Variants in IGFBP7 observed in about 807,000 individuals in gnomAD.
IGFBP7 encodes insulin-like growth factor-binding protein 7.
In IGFBP7, 31 loss-of-function variants were observed where a neutral mutation model predicts 29.4. The observed-to-expected ratio is 1.05, with a 90% confidence interval of 0.79 to 1.42. The LOEUF is 1.42. Ranked by LOEUF, IGFBP7 falls within the 40% of genes most tolerant of loss-of-function variation. The probability of loss-of-function intolerance (pLI) is 0.00; values close to 1 mark genes in which losing one functional copy is unlikely to be tolerated. For synonymous variants in IGFBP7, 172 were observed against 174.9 expected, an observed-to-expected ratio of 0.98 and a Z score of 0.13; for missense variants, 393 against 395.5, an observed-to-expected ratio of 0.99 and a Z score of 0.05.
chr4:57,059,777 CA>C (rs550861366), intron 1 of IGFBP7, among the ~76,000 whole-genome samples: 5 of 151,614 alleles, frequency 3.3e-5, no homozygotes, highest in East Asian at 3.9e-4. Context: ...ATATTTAAAA[CA>C]AAAAAAAGAA....
chr4:57,036,464 A>C (rs1257901805), intron 2 of IGFBP7, among the ~76,000 whole-genome samples: 1 of 152,148 alleles, frequency 6.6e-6, no homozygotes, highest in African/African-American at 2.4e-5. Context: ...AGAATTAAAC[A>C]GAGAGCCTCT....
At chr4:57,041,107 C>A (rs569502226) in intron 1 of IGFBP7, among the ~76,000 whole-genome samples, 174 bp from the exon 2 acceptor site, 9 of 152,168 alleles carry the variant, frequency 5.9e-5, no homozygotes, top group African/African-American at 2.2e-4. Context: ...ATTTTAAGGT[C>A]CACTTTGGGA....
intron 1 of IGFBP7, among the ~76,000 whole-genome samples, chr4:57,088,767 G>A (rs957545879): frequency 2.0e-5 from 3 of 152,000 alleles, no homozygotes; most frequent in Admixed American, 1.3e-4. Context: ...GGTGGCTCAC[G>A]TCTGTAATCC....
chr4:57,093,933 C>T (rs940866415), intron 1 of IGFBP7, among the ~76,000 whole-genome samples: 2 of 152,156 alleles, frequency 1.3e-5, no homozygotes, highest in Admixed American at 6.5e-5. Flanking sequence ...TACCTTTGTT[C>T]ATTTTTTCCC....
At chr4:57,073,038 A>G in intron 1 of IGFBP7, 1 of 1,268,698 alleles carries the variant, frequency 7.9e-7, no homozygotes, top group Non-Finnish European at 1.1e-6. Context: ...AGCTCGTTGA[A>G]CAGGCATGCT....
chr4:57,110,061 T>C lies in IGFBP7; in HGVS notation c.291A>G (p.Lys97=). The change falls in exon 1 of 5, where the codon AAA becomes AAG. Residue 97 remains lysine, a synonymous_variant. Coordinates refer to ENST00000295666, the MANE Select transcript of IGFBP7 (RefSeq NM_001553.3). ...CCGGACCGCCGGCTGCTGCCCCGGC[T>C]TTACCCTTCCGCCTCTTGCGGCTCT... The part of the protein sequence containing the change: ...CVKSRKRRKG[K]AGAAAGGPGV... The C allele has an allele frequency of 6.4e-7, 1 of 1,561,764 alleles. No homozygotes were observed. Among genetic ancestry groups the C allele is most frequent in the Non-Finnish European group, 8.6e-7 (1 of 1,159,876 alleles).
chr4:57,053,763 C>T (rs945377809), intron 1 of IGFBP7, among the ~76,000 whole-genome samples: 16 of 152,086 alleles, frequency 1.1e-4, no homozygotes, highest in Non-Finnish European at 1.5e-4. Flanking sequence ...TTTCCCGAGA[C>T]GAAACTCCCT....
Position 57,060,723 on chromosome 4 carries a change from G to A in IGFBP7, c.476-19790C>T, listed in dbSNP as rs565412985. ...CCAGGAGTTTGACACCAGCCTGGGA[G>A]CCTGGGCAATATAGTGAGACCTCAT... On this transcript the variant is annotated intron_variant, in intron 1 of 4. Coordinates refer to ENST00000295666, the MANE Select transcript of IGFBP7 (RefSeq NM_001553.3). 2.0e-5 allele frequency among the ~76,000 whole-genome samples: 3 copies of A among 152,222 alleles called. No individual in the cohort carries two copies. In the South Asian group the frequency reaches 6.2e-4, roughly 32 times the overall value.
intron 2 of IGFBP7, among the ~76,000 whole-genome samples, chr4:57,035,586 G>A (rs1177599534): frequency 6.6e-6 from 1 of 152,034 alleles, no homozygotes; most frequent in African/African-American, 2.4e-5. Context: ...TCAGCTTCCC[G>A]AGTAGCTGGG....
At chr4:57,065,447 C>A (rs1277292) in intron 1 of IGFBP7, 61,892 of 152,092 alleles carry the variant, frequency 0.41, 14,319 homozygotes, top group Admixed American at 0.55. Context: ...AAGATGACAT[C>A]CCAGGAATTT....
At chr4:57,105,647 T>C (rs1397666921) in intron 1 of IGFBP7, among the ~76,000 whole-genome samples, 1 of 152,360 alleles carries the variant, frequency 6.6e-6, no homozygotes, top group East Asian at 1.9e-4. Flanking sequence ...AATAACTTGC[T>C]CAAGGCTATA....
At chr4:57,088,146 T>C (rs912163540) in intron 1 of IGFBP7, among the ~76,000 whole-genome samples, 1 of 151,526 alleles carries the variant, frequency 6.6e-6, no homozygotes, top group Non-Finnish European at 1.5e-5. Context: ...TCTTTTGTTT[T>C]GTTTTGTTTT....
intron 1 of IGFBP7, among the ~76,000 whole-genome samples, chr4:57,070,807 G>A (rs1219864011): frequency 6.6e-6 from 1 of 152,220 alleles, no homozygotes; most frequent in African/African-American, 2.4e-5. Context: ...TACAAGGGAT[G>A]TTCAGTGCAT....
At chr4:57,085,859 T>C (rs1242610691) in intron 1 of IGFBP7, among the ~76,000 whole-genome samples, 1 of 152,226 alleles carries the variant, frequency 6.6e-6, no homozygotes, top group Non-Finnish European at 1.5e-5. Context: ...TTTTCTGGGT[T>C]TGTTTCCCTC....
intron 1 of IGFBP7, among the ~76,000 whole-genome samples, chr4:57,055,923 C>A (rs918309910): frequency 7.2e-5 from 11 of 152,062 alleles, no homozygotes; most frequent in Non-Finnish European, 1.5e-5. Flanking sequence ...CGAATAGCCC[C>A]CTTCAGACTT....
At chr4:57,046,885 C>A (rs1342278351) in intron 1 of IGFBP7, among the ~76,000 whole-genome samples, 1 of 152,206 alleles carries the variant, frequency 6.6e-6, no homozygotes, top group Non-Finnish European at 1.5e-5. Flanking sequence ...ACCCCACTTT[C>A]CTTTTACCTT....
In IGFBP7 at chr4:57,100,534, T is replaced by C. The variant is rs116107352; in HGVS notation, c.475+9343A>G. Among the ~76,000 whole-genome samples the C allele has an allele frequency of 8.6e-3, 1,317 of 152,362 alleles. 21 individuals carry two copies. Among genetic ancestry groups the C allele is most frequent in the African/African-American group, 0.03 (1,241 of 41,586 alleles). ...GTACCATAAAGAGCCATCTCAACTCTGACATAAACTTTGTTATCATACAGC... is the reference window on the plus strand; with the variant it reads ...GTACCATAAAGAGCCATCTCAACTCCGACATAAACTTTGTTATCATACAGC... On this transcript the variant is annotated intron_variant, in intron 1 of 4. Coordinates refer to ENST00000295666, the MANE Select transcript of IGFBP7 (RefSeq NM_001553.3).
intron 1 of IGFBP7, among the ~76,000 whole-genome samples, chr4:57,062,056 T>A (rs1259426029): frequency 6.6e-6 from 1 of 152,148 alleles, no homozygotes; most frequent in Non-Finnish European, 1.5e-5. Context: ...AAATTGAGGT[T>A]CAGTGGGACT....
At chr4:57,055,914 G>A (rs531552814) in intron 1 of IGFBP7, among the ~76,000 whole-genome samples, 20 of 152,246 alleles carry the variant, frequency 1.3e-4, no homozygotes, top group African/African-American at 4.8e-4. Flanking sequence ...CTCTGTGTGC[G>A]AATAGCCCCC....
Sources: allele counts gnomAD v4.1 joint callset (sites outside exome capture counted in the v4.1 genomes callset), GRCh38; gene constraint gnomAD v4.1.1; transcripts MANE v1.5; gene names NCBI Gene and HGNC (gene_info 2026-07-23, HGNC 2026-07-21).